Variants in CTNND2 observed in about 807,000 individuals in gnomAD.
The protein encoded by CTNND2 is catenin delta 2, also known as catenin delta-2.
In CTNND2, 22 loss-of-function variants were observed where a neutral mutation model predicts 144.4. The ratio of observed to expected loss-of-function variants is 0.15; its 90% CI spans 0.11 to 0.22. The LOEUF (loss-of-function observed/expected upper bound fraction) is 0.22, where lower values mean the gene tolerates loss of function less well. CTNND2 is among the 10% of genes least tolerant of loss of function. The probability of loss-of-function intolerance (pLI) is 1.00; values close to 1 mark genes in which losing one functional copy is unlikely to be tolerated. For synonymous variants in CTNND2, 751 were observed against 695.6 expected (o/e 1.08, Z -1.25); for missense variants, 1,353 against 1,618.8 (o/e 0.84, Z 2.82).
At chr5:11,865,719 T>C (rs201632815) in intron 1 of CTNND2, among the ~76,000 whole-genome samples, 1 of 152,110 alleles carries the variant, frequency 6.6e-6, no homozygotes, top group East Asian at 1.9e-4. Context: ...ATTGGGAGAT[T>C]ACCCTGGATT....
At chr5:11,138,442 A>G (rs1170755368) in intron 12 of CTNND2, among the ~76,000 whole-genome samples, 3 of 152,182 alleles carry the variant, frequency 2.0e-5, no homozygotes, top group Non-Finnish European at 4.4e-5. Flanking sequence ...TAAGTGTTGT[A>G]AATGCACACC....
chr5:11,329,355 A>AT (rs1752848197), intron 9 of CTNND2, among the ~76,000 whole-genome samples: 3 of 152,068 alleles, frequency 2.0e-5, no homozygotes, highest in African/African-American at 7.2e-5. Flanking sequence ...GCGTTTCATC[A>AT]TGGTGGCCAG....
chr5:11,744,124 C>T (rs897391632), intron 1 of CTNND2, among the ~76,000 whole-genome samples: 3 of 152,124 alleles, frequency 2.0e-5, no homozygotes, highest in East Asian at 1.9e-4. Flanking sequence ...GGCTACGTTC[C>T]GAATGTCTCA....
At chr5:11,310,069 TTTTG>T (rs1231947454) in intron 9 of CTNND2, among the ~76,000 whole-genome samples, 16 of 152,170 alleles carry the variant, frequency 1.1e-4, no homozygotes, top group Admixed American at 8.5e-4. Flanking sequence ...GGTAGTTTTT[TTTTG>T]TTTGTTTGTT....
At chr5:11,458,804 G>A (rs899597868) in intron 3 of CTNND2, among the ~76,000 whole-genome samples, 53 of 152,176 alleles carry the variant, frequency 3.5e-4, no homozygotes, top group African/African-American at 1.3e-3. Flanking sequence ...AGGCTGGAGT[G>A]CAGTGGTGCA....
chr5:11,028,729 A>G (rs1743130088), intron 16 of CTNND2, among the ~76,000 whole-genome samples: 1 of 152,058 alleles, frequency 6.6e-6, no homozygotes, highest in African/African-American at 2.4e-5. Context: ...TTTTTTTCCA[A>G]GCAGGGTCTC....
chr5:11,522,306 G>T (rs376201689), intron 3 of CTNND2, among the ~76,000 whole-genome samples: 19 of 152,294 alleles, frequency 1.2e-4, no homozygotes, highest in Middle Eastern at 3.4e-3. Context: ...GAAGACCCAG[G>T]AATACAGCCA....
At chr5:11,466,873 C>T (rs894648766) in intron 3 of CTNND2, among the ~76,000 whole-genome samples, 1 of 152,178 alleles carries the variant, frequency 6.6e-6, no homozygotes, top group African/African-American at 2.4e-5. Context: ...GGTCAGCTTC[C>T]CACACATGCG....
At chr5:11,171,374 T>C (rs532460538) in intron 11 of CTNND2, among the ~76,000 whole-genome samples, 11 of 152,288 alleles carry the variant, frequency 7.2e-5, no homozygotes, top group African/African-American at 2.6e-4. Flanking sequence ...TAAGAGATTA[T>C]TTTTCATGGA....
chr5:11,327,468 A>G (rs1261127439), intron 9 of CTNND2, among the ~76,000 whole-genome samples: 1 of 152,220 alleles, frequency 6.6e-6, no homozygotes, highest in Non-Finnish European at 1.5e-5. Context: ...CACAAACTCT[A>G]TTACAACCTT....
chr5:11,551,432 C>CTTTTTTTTTTTTTTT (rs70949326), intron 3 of CTNND2, among the ~76,000 whole-genome samples: 12 of 100,914 alleles, frequency 1.2e-4, no homozygotes, highest in African/African-American at 3.3e-4. Flanking sequence ...TTTCTTTTTT[C>CTTTTTTTTTTTTTTT]TTTTTTTTTT....
intron 5 of CTNND2, among the ~76,000 whole-genome samples, chr5:11,408,450 ATTCT>A (rs1761260911): frequency 6.6e-6 from 1 of 152,142 alleles, no homozygotes; most frequent in South Asian, 2.1e-4. Flanking sequence ...GAATAATAAT[ATTCT>A]TTATGTGACT....
At chr5:10,976,592 G>A (rs548005657) in intron 21 of CTNND2, among the ~76,000 whole-genome samples, 5 of 152,302 alleles carry the variant, frequency 3.3e-5, no homozygotes, top group South Asian at 2.1e-4. Flanking sequence ...ATATGCTCAC[G>A]CTCTCTGCGC....
intron 9 of CTNND2, among the ~76,000 whole-genome samples, chr5:11,248,667 T>G (rs1002711878): frequency 2.6e-5 from 4 of 152,168 alleles, no homozygotes; most frequent in African/African-American, 9.7e-5. Flanking sequence ...TAACTTCTGA[T>G]AGAAGCCACA....
chr5:11,643,477 C>T (rs1438695840), intron 2 of CTNND2, among the ~76,000 whole-genome samples: 1 of 147,950 alleles, frequency 6.8e-6, no homozygotes, highest in Non-Finnish European at 1.5e-5. Context: ...TGAGTGAGAA[C>T]ATGCGGTGTT....
chr5:11,598,563 A>C (rs945648854), intron 2 of CTNND2, among the ~76,000 whole-genome samples: 29 of 152,182 alleles, frequency 1.9e-4, no homozygotes, highest in African/African-American at 5.1e-4. Flanking sequence ...AATAAGAGGA[A>C]ACACCTATCA....
chr5:11,731,910 AGTT>A lies in CTNND2; in HGVS notation c.174+223_174+225del. On this transcript the variant is annotated intron_variant, in intron 2 of 21. Coordinates refer to ENST00000304623, the MANE Select transcript of CTNND2 (RefSeq NM_001332.4). ...CACCCATAGGAAATTTTGATTATAA[AGTT>A]GTTTTTCTTCCCCTATAAAATATCT... 1.3e-5 allele frequency among the ~76,000 whole-genome samples: 2 copies of A among 152,304 alleles called. 1 individual carries two copies. Among genetic ancestry groups the A allele is most frequent in the Middle Eastern group, 6.8e-3 (2 of 294 alleles).
At chr5:11,842,778 T>A (rs1794538954) in intron 1 of CTNND2, among the ~76,000 whole-genome samples, 1 of 151,804 alleles carries the variant, frequency 6.6e-6, no homozygotes, top group African/African-American at 2.4e-5. Flanking sequence ...AATGTCAAAA[T>A]AATATGTTGG....
At chr5:11,594,482 A>T (rs1459555230) in intron 2 of CTNND2, among the ~76,000 whole-genome samples, 1 of 152,234 alleles carries the variant, frequency 6.6e-6, no homozygotes, top group Non-Finnish European at 1.5e-5. Context: ...TCTTGATTTT[A>T]AAAAATCAAT....
Sources: allele counts gnomAD v4.1 joint callset (sites outside exome capture counted in the v4.1 genomes callset), GRCh38; gene constraint gnomAD v4.1.1; transcripts MANE v1.5; gene names NCBI Gene and HGNC (gene_info 2026-07-23, HGNC 2026-07-21).